The following CACNA2D1 variants were observed in gnomAD, a reference collection of about 807,000 sequenced individuals.
The protein encoded by CACNA2D1 is calcium voltage-gated channel auxiliary subunit alpha2delta 1, also known as voltage-dependent calcium channel subunit alpha-2/delta-1.
Under a neutral mutation model 171.5 loss-of-function variants are expected in CACNA2D1, and 53 were observed. That is an observed-to-expected ratio of 0.31 (90% CI 0.25 to 0.39). The LOEUF is 0.39. Ranked by LOEUF, CACNA2D1 falls within the 10% of genes least tolerant of loss-of-function variation. CACNA2D1 has a pLI of 1.00. For missense variants in CACNA2D1, 903 were observed against 1,299.8 expected, an observed-to-expected ratio of 0.69 and a Z score of 4.69; for synonymous variants, 442 against 443.1, an observed-to-expected ratio of 1.00 and a Z score of 0.03.
chr7:82,097,102 A>G (rs2129029109), intron 6 of CACNA2D1, among the ~76,000 whole-genome samples: 1 of 152,230 alleles, frequency 6.6e-6, no homozygotes, highest in South Asian at 2.1e-4. Context: ...TAGTAGAAGG[A>G]CCGCATGCCT....
At position 82,050,815 on chromosome 7, in the gene CACNA2D1, A is replaced by T. The variant is rs968638959; in HGVS notation, c.879+9613T>A. On this transcript the variant is annotated intron_variant, in intron 10 of 38. Transcript: ENST00000356860. ...CTTTACATGTGACATTTCACTTGGTACTCAACAACATTTCAGCAAGTTAAA... is the reference window on the plus strand; with the variant it reads ...CTTTACATGTGACATTTCACTTGGTTCTCAACAACATTTCAGCAAGTTAAA... 5 of 546,160 alleles carry T rather than the reference A, an allele frequency of 9.2e-6. No individual in the cohort carries two copies. The African/African-American group carries it at 9.5e-5, about 10-fold the overall frequency. The allele number at this position is 546,160 out of a possible 1,614,324, so 33.8% of individuals were successfully genotyped here.
chr7:82,227,353 A>C (rs2129269180), intron 3 of CACNA2D1, among the ~76,000 whole-genome samples: 1 of 152,336 alleles, frequency 6.6e-6, no homozygotes, highest in South Asian at 2.1e-4. Context: ...TGAAAGAAAT[A>C]GAAAATAAAT....
intron 3 of CACNA2D1, among the ~76,000 whole-genome samples, chr7:82,294,099 G>GA (rs1409739741): frequency 6.6e-6 from 1 of 151,986 alleles, no homozygotes; most frequent in East Asian, 1.9e-4. Flanking sequence ...AGAAAATAAA[G>GA]ATAGATATGC....
chr7:82,110,485 C>G (rs1563063006), intron 6 of CACNA2D1, among the ~76,000 whole-genome samples: 1 of 152,152 alleles, frequency 6.6e-6, no homozygotes, highest in Non-Finnish European at 1.5e-5. Flanking sequence ...GTAAGAAATA[C>G]ACGTCTGTTA....
intron 3 of CACNA2D1, among the ~76,000 whole-genome samples, chr7:82,313,800 C>T (rs772459528): frequency 1.3e-5 from 2 of 152,136 alleles, no homozygotes; most frequent in Non-Finnish European, 2.9e-5. Context: ...TCAATATACA[C>T]CAAAAATACA....
chr7:82,177,300 A>G (rs1013548011), intron 3 of CACNA2D1, among the ~76,000 whole-genome samples: 13 of 152,032 alleles, frequency 8.6e-5, no homozygotes, highest in Non-Finnish European at 1.0e-4. Flanking sequence ...AATCACCATA[A>G]TAAATTGATC....
At chr7:82,229,950 G>A (rs922880907) in intron 3 of CACNA2D1, among the ~76,000 whole-genome samples, 6 of 152,174 alleles carry the variant, frequency 3.9e-5, no homozygotes, top group Non-Finnish European at 8.8e-5. Flanking sequence ...GTAGGTGAAG[G>A]AGGAACATGT....
chr7:82,105,194 T>C (rs1442410180), intron 6 of CACNA2D1, among the ~76,000 whole-genome samples: 2 of 152,004 alleles, frequency 1.3e-5, no homozygotes, highest in Admixed American at 6.6e-5. Flanking sequence ...ATATGCAAAA[T>C]TATTGTGTCA....
chr7:81,951,852 A>G (rs10239385), intron 38 of CACNA2D1, among the ~76,000 whole-genome samples: 35,503 of 151,814 alleles, frequency 0.23, 4,256 homozygotes, highest in Middle Eastern at 0.28. Flanking sequence ...GGGTAGATAC[A>G]CAGCAGTGGG....
chr7:82,254,491 T>C (rs1475860817), intron 3 of CACNA2D1, among the ~76,000 whole-genome samples: 1 of 152,154 alleles, frequency 6.6e-6, no homozygotes, highest in African/African-American at 2.4e-5. Context: ...TATGACACTT[T>C]AATTAATACA....
At position 81,963,225 on chromosome 7, in the gene CACNA2D1, CAA is replaced by C. The variant is rs142993992; in HGVS notation, c.2781-732_2781-731del. 9.6e-3 allele frequency among the ~76,000 whole-genome samples: 1,463 copies of C among 151,922 alleles called. 18 individuals are homozygous for C. Among genetic ancestry groups the C allele is most frequent in the African/African-American group, 0.033 (1,377 of 41,472 alleles). ...ATTTTCTAAATCTTTTAAAAACTCT[CAA>C]AATTTTAAAATCTTTTTTGCTGCTT... is the stretch of plus-strand genomic sequence containing the variant. On this transcript the variant is annotated intron_variant, in intron 34 of 38. Transcript: ENST00000356860.
intron 1 of CACNA2D1, among the ~76,000 whole-genome samples, chr7:82,416,106 T>G (rs1234499941): frequency 6.6e-6 from 1 of 151,840 alleles, no homozygotes; most frequent in Non-Finnish European, 1.5e-5. Context: ...TCCCAGCTAC[T>G]CGGGAGGGTG....
At chr7:82,380,749 C>T (rs1352553014) in intron 1 of CACNA2D1, among the ~76,000 whole-genome samples, 2 of 152,014 alleles carry the variant, frequency 1.3e-5, no homozygotes, top group Non-Finnish European at 2.9e-5. Context: ...CACTGGTGTG[C>T]GGTGGCATGA....
At chr7:82,371,697 C>A (rs1416203520) in intron 1 of CACNA2D1, among the ~76,000 whole-genome samples, 1 of 152,068 alleles carries the variant, frequency 6.6e-6, no homozygotes, top group Non-Finnish European at 1.5e-5. Context: ...GCCTTAGACT[C>A]CCGAGTAGCT....
At chr7:82,184,415 G>A (rs906332692) in intron 3 of CACNA2D1, among the ~76,000 whole-genome samples, 1 of 151,754 alleles carries the variant, frequency 6.6e-6, no homozygotes, top group Non-Finnish European at 1.5e-5. Flanking sequence ...CCTTTTTCTA[G>A]AGAACATGAT....
At chr7:82,022,530 G>T (rs1801357555) in intron 12 of CACNA2D1, among the ~76,000 whole-genome samples, 1 of 151,554 alleles carries the variant, frequency 6.6e-6, no homozygotes, top group African/African-American at 2.4e-5. Context: ...TCCTCCAAAG[G>T]CTTTACTTTT....
intron 3 of CACNA2D1, among the ~76,000 whole-genome samples, chr7:82,210,214 C>G (rs1424522278): frequency 6.6e-6 from 1 of 152,058 alleles, no homozygotes; most frequent in East Asian, 1.9e-4. Flanking sequence ...TAGTTCAAAA[C>G]AGTTCTCCTT....
intron 8 of CACNA2D1, among the ~76,000 whole-genome samples, 171 bp from the exon 9 acceptor site, chr7:82,064,525 A>G (rs1807361975): frequency 6.6e-6 from 1 of 152,204 alleles, no homozygotes; most frequent in Admixed American, 6.6e-5. Flanking sequence ...TCAGTTTGAT[A>G]AAAGCAATAT....
chr7:82,437,912 C>T (rs570476053), intron 1 of CACNA2D1, among the ~76,000 whole-genome samples: 2 of 152,184 alleles, frequency 1.3e-5, no homozygotes, highest in Admixed American at 1.3e-4. Flanking sequence ...ATGTTTAATT[C>T]TAAATTTCAA....
Sources: gnomAD v4.1 joint callset for allele counts (sites outside exome capture counted in the v4.1 genomes callset) on GRCh38, gnomAD v4.1.1 for gene constraint, MANE v1.5 for transcripts, NCBI Gene and HGNC (gene_info 2026-07-23, HGNC 2026-07-21) for gene names.